CLSTN2: variants seen among roughly 807,000 people sequenced by gnomAD.
The protein encoded by CLSTN2 is calsyntenin-2.
CLSTN2 carries 48 observed loss-of-function variants against 101.2 expected under a neutral mutation model. That is an observed-to-expected ratio of 0.47 (90% CI 0.38 to 0.60). CLSTN2 has a LOEUF of 0.60. CLSTN2 is among the 20% of genes least tolerant of loss of function. CLSTN2 has a pLI of 0.00. For synonymous variants in CLSTN2, 481 were observed against 463.6 expected (o/e 1.04, Z -0.48); for missense variants, 1,160 against 1,238.2 (o/e 0.94, Z 0.95).
chr3:140,131,963 T>A (rs2009529317), intron 1 of CLSTN2, among the ~76,000 whole-genome samples: 1 of 152,156 alleles, frequency 6.6e-6, no homozygotes, highest in East Asian at 1.9e-4. Context: ...CGTTGAAGAC[T>A]AAATAGATCA....
At chr3:140,396,028 T>A (rs73228966) in intron 2 of CLSTN2, among the ~76,000 whole-genome samples, 4,631 of 152,238 alleles carry the variant, frequency 0.03, 91 homozygotes, top group Non-Finnish European at 0.039. Context: ...ATGTTTTGAG[T>A]TCAGTGTTTC....
chr3:139,964,312 TG>T, intron 1 of CLSTN2, among the ~76,000 whole-genome samples: 1 of 152,242 alleles, frequency 6.6e-6, no homozygotes, highest in Non-Finnish European at 1.5e-5. Flanking sequence ...CCTAGTCTCA[TG>T]GGCTAGAGGA....
intron 10 of CLSTN2, among the ~76,000 whole-genome samples, chr3:140,551,907 C>T (rs1935711350): frequency 6.6e-6 from 1 of 151,280 alleles, no homozygotes; most frequent in South Asian, 2.1e-4. Flanking sequence ...AATTATAGCT[C>T]CCTTTTGTGA....
chr3:140,028,859 G>C (rs769180147), intron 1 of CLSTN2, among the ~76,000 whole-genome samples: 1 of 152,126 alleles, frequency 6.6e-6, no homozygotes, highest in Non-Finnish European at 1.5e-5. Context: ...GTGTGTGACC[G>C]CTTCACTTTG....
intron 6 of CLSTN2, among the ~76,000 whole-genome samples, chr3:140,455,727 C>G (rs1041026240): frequency 2.0e-5 from 3 of 152,188 alleles, no homozygotes; most frequent in African/African-American, 7.2e-5. Context: ...ATTCTGTTTA[C>G]CCACTGCCTT....
At chr3:140,175,106 G>A (rs1178197600) in intron 1 of CLSTN2, among the ~76,000 whole-genome samples, 4 of 152,044 alleles carry the variant, frequency 2.6e-5, no homozygotes, top group East Asian at 1.9e-4. Context: ...TATCGGATGC[G>A]GAACCACCCT....
intron 1 of CLSTN2, among the ~76,000 whole-genome samples, chr3:139,999,837 C>G (rs915577592): frequency 5.3e-5 from 8 of 152,014 alleles, no homozygotes; most frequent in Non-Finnish European, 1.0e-4. Flanking sequence ...TACCTCTAGT[C>G]CCAGCTACTC....
chr3:140,096,652 T>C (rs1020387031), intron 1 of CLSTN2, among the ~76,000 whole-genome samples: 1 of 152,192 alleles, frequency 6.6e-6, no homozygotes, highest in African/African-American at 2.4e-5. Flanking sequence ...TCACTGCAGA[T>C]AGAGATCCAT....
At chr3:140,437,050 G>GAT (rs556359288) in intron 5 of CLSTN2, among the ~76,000 whole-genome samples, 2 of 135,132 alleles carry the variant, frequency 1.5e-5, no homozygotes, top group Non-Finnish European at 3.1e-5. Flanking sequence ...GGGAGGTTTG[G>GAT]TTTTTTTTTT....
At chr3:139,982,544 T>A (rs539494754) in intron 1 of CLSTN2, among the ~76,000 whole-genome samples, 5 of 152,296 alleles carry the variant, frequency 3.3e-5, no homozygotes, top group African/African-American at 9.6e-5. Context: ...CTGCAATTTA[T>A]AAACTTTCAT....
At chr3:140,025,970 G>A (rs937853760) in intron 1 of CLSTN2, among the ~76,000 whole-genome samples, 3 of 152,174 alleles carry the variant, frequency 2.0e-5, no homozygotes, top group Non-Finnish European at 4.4e-5. Context: ...TGATAGTGAA[G>A]GTGATCCCTT....
At chr3:140,418,513 CTTTCTTT>C (rs1260687971) in intron 4 of CLSTN2, among the ~76,000 whole-genome samples, 21 of 42,098 alleles carry the variant, frequency 5.0e-4, no homozygotes, top group Non-Finnish European at 6.9e-4. Flanking sequence ...TTCTTTCTTT[CTTTCTTT>C]TTTTTTTTTT....
intron 1 of CLSTN2, among the ~76,000 whole-genome samples, chr3:140,008,559 G>A (rs9863642): frequency 0.26 from 39,003 of 152,160 alleles, 6,547 homozygotes; most frequent in Non-Finnish European, 0.36. Context: ...GGGGTCCTCC[G>A]GGGCCCAGTT....
intron 1 of CLSTN2, among the ~76,000 whole-genome samples, chr3:140,172,262 A>G (rs887569305): frequency 3.3e-5 from 5 of 152,122 alleles, no homozygotes; most frequent in African/African-American, 4.8e-5. Context: ...GAAACCAAGT[A>G]GCTCACAGTT....
chr3:140,245,650 C>A (rs1461313395), intron 2 of CLSTN2, among the ~76,000 whole-genome samples: 2 of 48,968 alleles, frequency 4.1e-5, no homozygotes, highest in African/African-American at 1.2e-4. Flanking sequence ...AGACCATTAG[C>A]TCCGCCCTCC....
intron 8 of CLSTN2, among the ~76,000 whole-genome samples, chr3:140,496,352 A>C (rs889879909): frequency 3.9e-5 from 6 of 152,198 alleles, no homozygotes; most frequent in African/African-American, 1.2e-4. Context: ...TATCAGCTTA[A>C]GAAGCTTTTG....
intron 8 of CLSTN2, among the ~76,000 whole-genome samples, chr3:140,531,431 G>A (rs990640855): frequency 6.6e-6 from 1 of 152,126 alleles, no homozygotes; most frequent in African/African-American, 2.4e-5. Context: ...GGAATTGTAG[G>A]GAGGGCTTTG....
chr3:140,528,300 C>A (rs1444440451), intron 8 of CLSTN2, among the ~76,000 whole-genome samples: 2 of 152,116 alleles, frequency 1.3e-5, no homozygotes, highest in Non-Finnish European at 2.9e-5. Context: ...CCATTGCCTA[C>A]AGAATAAAAG....
chr3:140,423,737 C>A (rs960380051), intron 5 of CLSTN2, among the ~76,000 whole-genome samples: 3 of 152,144 alleles, frequency 2.0e-5, no homozygotes, highest in Non-Finnish European at 4.4e-5. Flanking sequence ...TTATCAGTAC[C>A]AGCTCACATT....
Sources: allele counts gnomAD v4.1 joint callset (sites outside exome capture counted in the v4.1 genomes callset), GRCh38; gene constraint gnomAD v4.1.1; transcripts MANE v1.5; gene names NCBI Gene and HGNC (gene_info 2026-07-23, HGNC 2026-07-21).